Variants in FAM72B observed in about 807,000 individuals in gnomAD.
FAM72B encodes the protein protein FAM72B.
Under a neutral mutation model 12.6 loss-of-function variants are expected in FAM72B, and 4 were observed. The observed-to-expected ratio is 0.32, with a 90% CI of 0.16 to 0.73. FAM72B has a LOEUF of 0.73. Ranked by LOEUF, FAM72B falls within the 30% of genes least tolerant of loss-of-function variation. The pLI is 0.67. For missense variants in FAM72B, 61 were observed against 158.4 expected, an observed-to-expected ratio of 0.39 and a Z score of 3.30; for synonymous variants, 13 against 53.9, an observed-to-expected ratio of 0.24 and a Z score of 3.32.
chr1:121,180,593 C>T (rs1453700068), intron 2 of FAM72B, among the ~76,000 whole-genome samples: 3 of 150,568 alleles, frequency 2.0e-5, no homozygotes, highest in African/African-American at 7.4e-5. Context: ...GATGCAGTGG[C>T]TCATACCTGT....
At chr1:121,179,842 A>AAAG (rs1558070610) in intron 2 of FAM72B, among the ~76,000 whole-genome samples, 1 of 147,634 alleles carries the variant, frequency 6.8e-6, no homozygotes. Flanking sequence ...AAAAAAAAAA[A>AAAG]AAGAAGAAAG....
intron 2 of FAM72B, among the ~76,000 whole-genome samples, chr1:121,177,851 CTAG>C (rs1654250304): frequency 7.2e-6 from 1 of 138,760 alleles, no homozygotes; most frequent in African/African-American, 2.8e-5. Context: ...GCTTGTCCTG[CTAG>C]TATTATTTTA....
At position 121,177,288 on chromosome 1, in the gene FAM72B, C is replaced by T. The variant is rs373032977; in HGVS notation, c.275G>A (p.Cys92Tyr). ...GTGTCCGTTGTTGCAGGAAGGAAGACAGGAACTACATGGAACAATCACATG... is the reference window on the plus strand; with the variant it reads ...GTGTCCGTTGTTGCAGGAAGGAAGATAGGAACTACATGGAACAATCACATG... ...GYHVIVPCSS[C>Y]LPSCNNGHFW... Residue 92 changes from cysteine to tyrosine, a missense_variant, in exon 3 of 4, where the codon TGT becomes TAT. By Grantham distance (194) the Cys-to-Tyr change is radical. Transcript: ENST00000369390. 98 of 1,611,752 alleles carry T rather than the reference C, an allele frequency of 6.1e-5. No homozygotes were observed. In the African/African-American group the frequency reaches 1.1e-3, roughly 19 times the overall value.
At chr1:121,176,875 T>C (rs1381572272) in intron 3 of FAM72B, among the ~76,000 whole-genome samples, 1 of 151,724 alleles carries the variant, frequency 6.6e-6, no homozygotes, top group African/African-American at 2.4e-5. Context: ...GACACACACA[T>C]GCATTAGACT....
chr1:121,169,607 A>C (rs1654046887), intron 3 of FAM72B, among the ~76,000 whole-genome samples: 1 of 152,194 alleles, frequency 6.6e-6, no homozygotes. Flanking sequence ...TAAGCAGAGA[A>C]GTAGCTGGTG....
chr1:121,180,550 CA>C (rs1654312129), intron 2 of FAM72B, among the ~76,000 whole-genome samples: 1 of 134,174 alleles, frequency 7.5e-6, no homozygotes, highest in African/African-American at 2.9e-5. Context: ...AACTCCTTCT[CA>C]AAAAAAGAAA....
intron 3 of FAM72B, among the ~76,000 whole-genome samples, chr1:121,174,993 C>A (rs587687032): frequency 1.3e-5 from 2 of 151,806 alleles, no homozygotes; most frequent in East Asian, 1.9e-4. Context: ...GAAGGAGATG[C>A]CATCTAGGAC....
intron 2 of FAM72B, among the ~76,000 whole-genome samples, chr1:121,180,724 T>C (rs1306122015): frequency 6.6e-6 from 1 of 151,244 alleles, no homozygotes; most frequent in East Asian, 2.0e-4. Context: ...CCAGGCCTGG[T>C]GGTGCCTGCC....
chr1:121,179,759 C>T (rs1352941689), intron 2 of FAM72B, among the ~76,000 whole-genome samples: 11 of 135,262 alleles, frequency 8.1e-5, no homozygotes, highest in South Asian at 2.4e-4. Flanking sequence ...ACCTGGGAGG[C>T]GGAGGTTGCA....
At chr1:121,168,862 T>G in intron 3 of FAM72B, 27 bp from the exon 4 acceptor site, 3 of 1,599,592 alleles carry the variant, frequency 1.9e-6, no homozygotes, top group Non-Finnish European at 1.7e-6. Context: ...ATAAAATTCT[T>G]TAATGCTTAC....
intron 3 of FAM72B, among the ~76,000 whole-genome samples, chr1:121,175,311 ACCTAG>A (rs1654192452): frequency 6.6e-6 from 1 of 152,126 alleles, no homozygotes; most frequent in African/African-American, 2.4e-5. Context: ...TTGACAATGC[ACCTAG>A]TCACTCAAGA....
chr1:121,174,751 G>T (rs1553316656), intron 3 of FAM72B, among the ~76,000 whole-genome samples: 1 of 143,716 alleles, frequency 7.0e-6, no homozygotes, highest in African/African-American at 2.6e-5. Flanking sequence ...CCACCTCCTG[G>T]GTTCAAGTGA....
Position 121,176,432 on chromosome 1 carries a change from A to G in FAM72B, c.355+776T>C, listed in dbSNP as rs1172260783. 3.1e-5 allele frequency among the ~76,000 whole-genome samples: 3 copies of G among 97,482 alleles called. No homozygotes were observed. The Admixed American group carries it at 3.1e-4, about 10-fold the overall frequency. 64.0% of individuals were successfully genotyped at this position (97,482 alleles called of 152,430 possible). On this transcript the variant is annotated intron_variant, in intron 3 of 3. Coordinates refer to ENST00000369390, the MANE Select transcript of FAM72B (RefSeq NM_001100910.2). ...AGTGATCCTCCCGCCTTGGACTACC[A>G]AAGTGCTGGGATTACAGGCATGAGC...
In FAM72B at chr1:121,168,728, A is replaced by G. The variant is rs1169010712; in HGVS notation, c.*13T>C. The G allele has an allele frequency of 1.2e-5, 18 of 1,529,956 alleles. No individual in the cohort carries two copies. The highest frequency in any genetic ancestry group is 4.9e-4 in the Middle Eastern group (2 of 4,102). The allele number at this position is 1,529,956 out of a possible 1,614,324, so 94.8% of individuals were successfully genotyped here. A position where few individuals can be genotyped will look rare whatever the true frequency, so the allele number is the denominator to read the frequency against. On this transcript the variant is annotated 3_prime_UTR_variant, in exon 4 of 4. Transcript: ENST00000369390. The stretch of plus-strand genomic sequence containing the variant: ...AGAAAAAAGTTTGTATATCATATAT[A>G]TCATAATTCCATTTATCTAATACAC...
At chr1:121,174,839 A>T (rs1285774116) in intron 3 of FAM72B, among the ~76,000 whole-genome samples, 7 of 148,004 alleles carry the variant, frequency 4.7e-5, no homozygotes, top group African/African-American at 1.8e-4. Context: ...GTAGAGGCAG[A>T]GTTCTACTAT....
intron 1 of FAM72B, among the ~76,000 whole-genome samples, chr1:121,182,165 C>T (rs1553317720): frequency 1.3e-5 from 2 of 151,786 alleles, no homozygotes; most frequent in East Asian, 3.9e-4. Context: ...CTAGTGTTTT[C>T]CCTTTTTTGA....
At chr1:121,172,684 ACCCGGG>A (rs1654117939) in intron 3 of FAM72B, among the ~76,000 whole-genome samples, 1 of 137,306 alleles carries the variant, frequency 7.3e-6, no homozygotes, top group African/African-American at 3.2e-5. Context: ...AATCACTTGA[ACCCGGG>A]AGGTGGAGGT....
At chr1:121,181,015 C>A (rs1195720878) in intron 2 of FAM72B, among the ~76,000 whole-genome samples, 1 of 151,854 alleles carries the variant, frequency 6.6e-6, no homozygotes, top group Non-Finnish European at 1.5e-5. Flanking sequence ...TGTTTCTCCC[C>A]CCTAACCTAC....
At chr1:121,179,432 C>T (rs1553317290) in intron 2 of FAM72B, among the ~76,000 whole-genome samples, 1 of 148,694 alleles carries the variant, frequency 6.7e-6, no homozygotes, top group African/African-American at 2.5e-5. Context: ...CACCTGTAAT[C>T]TCACACTTTG....
Sources: gnomAD v4.1 joint callset for allele counts (sites outside exome capture counted in the v4.1 genomes callset) on GRCh38, gnomAD v4.1.1 for gene constraint, MANE v1.5 for transcripts, NCBI Gene and HGNC (gene_info 2026-07-23, HGNC 2026-07-21) for gene names.